The following SLC51A variants were observed in gnomAD, a reference collection of about 807,000 sequenced individuals.
The protein encoded by SLC51A is organic solute transporter subunit alpha.
In SLC51A, 22 loss-of-function variants were observed where a neutral mutation model predicts 34.8. That is an observed-to-expected ratio of 0.63 (90% CI 0.45 to 0.90). The LOEUF is 0.90. Among genes scored for constraint, SLC51A ranks in the 40% least tolerant of loss-of-function variants. SLC51A has a pLI of 0.00. For synonymous variants in SLC51A, 181 were observed against 176.3 expected (o/e 1.03, Z -0.21); for missense variants, 371 against 414.8 (o/e 0.89, Z 0.92).
At position 196,226,952 on chromosome 3, in the gene SLC51A, TCTC is replaced by T. The variant is rs925691713; in HGVS notation, c.134-6_134-4del. 4.4e-6 allele frequency: 7 copies of T among 1,605,456 alleles called. No homozygotes were observed. The Middle Eastern group carries it at 1.0e-3, about 231-fold the overall frequency. ...AGTCCCGGTCGTCAGCTCTCTGCCT[TCTC>T]CTCCTCTAGCCCTGGGCCCTGTGGA... is the stretch of plus-strand genomic sequence containing the variant. On this transcript the variant is annotated splice_polypyrimidine_tract_variant and intron_variant, in intron 2 of 8. Transcript: ENST00000296327.
intron 1 of SLC51A, 138 bp from the exon 2 acceptor site, chr3:196,217,704 A>AAGAAAGAAAG (rs1723631525): frequency 1.6e-6 from 1 of 607,342 alleles, no homozygotes; most frequent in Non-Finnish European, 2.9e-6. Context: ...GAAGGAAGGA[A>AAGAAAGAAAG]AGAAAGAAAG....
chr3:196,216,884 G>A lies in SLC51A; in HGVS notation c.38+134G>A. ...AGACAGGACTGGAAATGCTCTAGCT[G>A]TTCCTAGGTCCTCAGGGACAACGTG... On this transcript the variant is annotated intron_variant, in intron 1 of 8. Coordinates refer to ENST00000296327, the MANE Select transcript of SLC51A (RefSeq NM_152672.6). The surrounding 1 kb of genome is among the most constrained non-coding windows in gnomAD (Gnocchi z 4.5). 1.0e-6 allele frequency: 1 copy of A among 989,676 alleles called. No homozygotes were observed. Among genetic ancestry groups the A allele is most frequent in the Middle Eastern group, 2.8e-4 (1 of 3,548 alleles). The allele number at this position is 989,676 out of a possible 1,614,324, so 61.3% of individuals were successfully genotyped here.
intron 3 of SLC51A, 164 bp from the exon 4 acceptor site, chr3:196,227,500 G>T: frequency 1.5e-6 from 1 of 652,352 alleles, no homozygotes; most frequent in Non-Finnish European, 2.8e-6. Flanking sequence ...CCTCCCACAG[G>T]TCCTTGGTTT....
intron 2 of SLC51A, among the ~76,000 whole-genome samples, chr3:196,220,645 G>A (rs545149510): frequency 5.9e-5 from 9 of 152,208 alleles, no homozygotes; most frequent in East Asian, 3.9e-4. Context: ...TCGTTGCCCC[G>A]GCCTGCCATG....
chr3:196,232,387 G>A (rs771078479), intron 7 of SLC51A, 32 bp from the exon 8 acceptor site: 2 of 1,575,738 alleles, frequency 1.3e-6, no homozygotes, highest in Admixed American at 1.7e-5. Context: ...GGCAGGCCCA[G>A]TCCACCCTTG....
chr3:196,223,839 T>A (rs1380962712), intron 2 of SLC51A: 1 of 428,648 alleles, frequency 2.3e-6, no homozygotes, highest in African/African-American at 2.1e-5. Flanking sequence ...CTTAGTGTAA[T>A]TTCCTTTTTT....
At chr3:196,223,600 C>T (rs532349110) in intron 2 of SLC51A, among the ~76,000 whole-genome samples, 3 of 151,632 alleles carry the variant, frequency 2.0e-5, no homozygotes, top group African/African-American at 2.4e-5. Context: ...CTAGCAATGG[C>T]CCCCGCTTCC....
At chr3:196,224,383 A>T (rs1723840806) in intron 2 of SLC51A, among the ~76,000 whole-genome samples, 1 of 150,944 alleles carries the variant, frequency 6.6e-6, no homozygotes, top group Admixed American at 6.6e-5. Flanking sequence ...AGAAAAGGCC[A>T]TGTGGGGACA....
chr3:196,233,237 T>C lies in SLC51A; in HGVS notation c.*38T>C. The C allele has an allele frequency of 1.2e-6, 2 of 1,606,162 alleles. No individual in the cohort carries two copies. Among genetic ancestry groups the C allele is most frequent in the South Asian group, 1.1e-5 (1 of 90,122 alleles). ...GGACAATGAAAGGATGCTGTACTCA[T>C]TAGAATACAAGATTCCTTTACTGTC... On this transcript the variant is annotated 3_prime_UTR_variant, in exon 9 of 9. Transcript: ENST00000296327.
At chr3:196,227,813 T>TCCCA in intron 4 of SLC51A, 76 bp downstream of exon 4, 1 of 1,387,406 alleles carries the variant, frequency 7.2e-7, no homozygotes, top group Non-Finnish European at 1.0e-6. Flanking sequence ...GTGTCCTTGA[T>TCCCA]CCCAGCTGAC....
rs545664265 is a variant in SLC51A at position 196,228,424 on chromosome 3, C to T, written c.521+151C>T. The T allele has an allele frequency of 3.8e-4, 379 of 986,578 alleles. 8 individuals are homozygous for T. The South Asian group carries it at 4.7e-3, about 12-fold the overall frequency. The allele number at this position is 986,578 out of a possible 1,614,324, so 61.1% of individuals were successfully genotyped here. On this transcript the variant is annotated intron_variant, in intron 5 of 8. Coordinates refer to ENST00000296327, the MANE Select transcript of SLC51A (RefSeq NM_152672.6). The surrounding 1 kb of genome is among the most constrained non-coding windows in gnomAD (Gnocchi z 4.9). ...ACGGCCAGGACCCACGGGCGCCACC[C>T]TCAGGGGACAGGGGAGCAGAGGAAG...
chr3:196,230,680 C>T (rs1408755050), intron 7 of SLC51A, among the ~76,000 whole-genome samples: 3 of 152,058 alleles, frequency 2.0e-5, no homozygotes, highest in South Asian at 2.1e-4. Context: ...GACGGGGTTT[C>T]GCTATGTTGG....
Position 196,230,071 on chromosome 3 carries a change from C to A in SLC51A, c.780+10C>A. 1 of 1,598,482 alleles carries A rather than the reference C, an allele frequency of 6.3e-7. No individual in the cohort carries two copies. The highest frequency in any genetic ancestry group is 1.7e-4 in the Middle Eastern group (1 of 5,990). Reference sequence around the variant, plus strand: ...ATTTGCTCTGTTCCAGGTAACTATACCCTGGGAGAGAAAAGATGTTTCATA... The same window carrying A: ...ATTTGCTCTGTTCCAGGTAACTATAACCTGGGAGAGAAAAGATGTTTCATA... On this transcript the variant is annotated intron_variant, in intron 7 of 8. Coordinates refer to ENST00000296327, the MANE Select transcript of SLC51A (RefSeq NM_152672.6).
At chr3:196,219,935 G>A (rs1455396697) in intron 2 of SLC51A, among the ~76,000 whole-genome samples, 1 of 152,230 alleles carries the variant, frequency 6.6e-6, no homozygotes, top group Non-Finnish European at 1.5e-5. Flanking sequence ...AAACCCCAAG[G>A]CTGTTCAGAA....
At chr3:196,227,344 C>T in intron 3 of SLC51A, 1 of 596,816 alleles carries the variant, frequency 1.7e-6, no homozygotes, top group Non-Finnish European at 3.0e-6. Flanking sequence ...GAGATCTGCT[C>T]AGCCCACCAG....
In SLC51A at chr3:196,230,034, C is replaced by T; in HGVS notation, c.753C>T (p.Asn251=). Residue 251 remains asparagine (N), a synonymous_variant, in exon 7 of 9, where the codon AAC becomes AAT. Transcript: ENST00000296327. ...RQARLHLGEQ[N]MGAKFALFQV... ...CCAGGCTACACCTGGGTGAGCAGAA[C>T]ATGGGAGCCAAATTTGCTCTGTTCC... The T allele has an allele frequency of 6.2e-7, 1 of 1,613,190 alleles. No homozygotes were observed. Among genetic ancestry groups the T allele is most frequent in the South Asian group, 1.1e-5 (1 of 90,956 alleles).
At chr3:196,220,903 T>C (rs1723739887) in intron 2 of SLC51A, among the ~76,000 whole-genome samples, 1 of 150,742 alleles carries the variant, frequency 6.6e-6, no homozygotes. Flanking sequence ...TTTTTTTTTT[T>C]TTTTGAGACA....
Position 196,232,572 on chromosome 3 carries a change from G to A in SLC51A, c.886+48G>A, listed in dbSNP as rs569723746. The stretch of plus-strand genomic sequence containing the variant: ...CCCATCGTGGGATGGATGAGACGGG[G>A]AGAGTCAGGAAAGAAGGGGCCCCAG... On this transcript the variant is annotated intron_variant, in intron 8 of 8. Coordinates refer to ENST00000296327, the MANE Select transcript of SLC51A (RefSeq NM_152672.6). The A allele has an allele frequency of 3.6e-5, 54 of 1,484,046 alleles. No individual in the cohort carries two copies. The South Asian group carries it at 5.9e-4, about 16-fold the overall frequency. The allele number at this position is 1,484,046 out of a possible 1,614,324, so 91.9% of individuals were successfully genotyped here. A position where few individuals can be genotyped will look rare whatever the true frequency, so the allele number is the denominator to read the frequency against.
At chr3:196,218,024 G>A in intron 2 of SLC51A, 88 bp downstream of exon 2, 1 of 1,206,176 alleles carries the variant, frequency 8.3e-7, no homozygotes, top group South Asian at 1.3e-5. Flanking sequence ...CTGAGCTGGT[G>A]CACCTGGGCA....
Sources: gnomAD v4.1 joint callset for allele counts (sites outside exome capture counted in the v4.1 genomes callset) on GRCh38, gnomAD v4.1.1 for gene constraint, Gnocchi (gnomAD v3.1) non-coding constraint, MANE v1.5 for transcripts, NCBI Gene and HGNC (gene_info 2026-07-23, HGNC 2026-07-21) for gene names.